The following BMPER variants were observed in gnomAD, a reference collection of about 807,000 sequenced individuals.
BMPER encodes BMP-binding endothelial regulator protein.
Under a neutral mutation model 87.3 loss-of-function variants are expected in BMPER, and 45 were observed. The observed-to-expected ratio is 0.52, with a 90% confidence interval of 0.41 to 0.66. The LOEUF is 0.66. Ranked by LOEUF, BMPER falls within the 30% of genes least tolerant of loss-of-function variation. The probability of loss-of-function intolerance (pLI) is 0.00; values close to 1 mark genes in which losing one functional copy is unlikely to be tolerated. For missense variants in BMPER, 784 were observed against 867.5 expected (o/e 0.90, Z 1.21); for synonymous variants, 326 against 316.2 (o/e 1.03, Z -0.33).
chr7:34,119,949 A>C (rs1158853982), intron 13 of BMPER, among the ~76,000 whole-genome samples: 1 of 152,222 alleles, frequency 6.6e-6, no homozygotes, highest in East Asian at 1.9e-4. Context: ...AAATAAAATT[A>C]AAGGTAAAAA....
intron 13 of BMPER, among the ~76,000 whole-genome samples, chr7:34,091,584 C>T (rs561754982): frequency 2.0e-5 from 3 of 152,280 alleles, no homozygotes; most frequent in South Asian, 2.1e-4. Flanking sequence ...TTTAATTCAC[C>T]GTGTCTACAA....
chr7:33,980,949 T>G (rs1246840024), intron 6 of BMPER, among the ~76,000 whole-genome samples: 1 of 152,096 alleles, frequency 6.6e-6, no homozygotes, highest in Non-Finnish European at 1.5e-5. Context: ...CAAGGAAGGG[T>G]ATTTGAAGAA....
intron 8 of BMPER, 38 bp from the exon 9 acceptor site, chr7:34,055,125 A>T: frequency 2.5e-6 from 4 of 1,613,966 alleles, no homozygotes; most frequent in Non-Finnish European, 3.4e-6. Context: ...TAGAGGCGAA[A>T]ATCATTTTTA....
intron 7 of BMPER, among the ~76,000 whole-genome samples, chr7:34,050,504 T>C (rs1788121956): frequency 6.6e-6 from 1 of 152,202 alleles, no homozygotes; most frequent in Non-Finnish European, 1.5e-5. Flanking sequence ...CAGCATGTTT[T>C]TCTTGACTCC....
intron 11 of BMPER, among the ~76,000 whole-genome samples, chr7:34,076,350 A>G (rs1788864976): frequency 6.6e-6 from 1 of 152,234 alleles, no homozygotes; most frequent in South Asian, 2.1e-4. Flanking sequence ...AGCATAAGAA[A>G]GAAAGTAATG....
chr7:33,989,638 T>C (rs1404358943), intron 6 of BMPER, among the ~76,000 whole-genome samples: 1 of 152,244 alleles, frequency 6.6e-6, no homozygotes, highest in East Asian at 1.9e-4. Flanking sequence ...CATTTGTCAA[T>C]TTTGCCTTTT....
Position 34,028,601 on chromosome 7 carries a change from G to GTTTTTTTTTTTTTTTT in BMPER, c.577-17688_577-17673dup. 7.8e-4 allele frequency among the ~76,000 whole-genome samples: 28 copies of GTTTTTTTTTTTTTTTT among 36,058 alleles called. 3 individuals carry two copies. Among genetic ancestry groups the GTTTTTTTTTTTTTTTT allele is most frequent in the Admixed American group, 1.7e-3 (3 of 1,748 alleles). 23.7% of individuals were successfully genotyped at this position (36,058 alleles called of 152,430 possible). ...ACATACAGTCCAAATCATTTTTTCT[G>GTTTTTTTTTTTTTTTT]TTTTTTTTTTTTTTTTTTTTTTTTT... On this transcript the variant is annotated intron_variant, in intron 6 of 14. Transcript: ENST00000649409.
At chr7:33,989,535 G>C (rs1786134922) in intron 6 of BMPER, among the ~76,000 whole-genome samples, 1 of 152,132 alleles carries the variant, frequency 6.6e-6, no homozygotes, top group Non-Finnish European at 1.5e-5. Flanking sequence ...AGATGAGTAG[G>C]TTGCGAAATT....
At chr7:33,953,662 C>T (rs1019038311) in intron 3 of BMPER, among the ~76,000 whole-genome samples, 2 of 152,114 alleles carry the variant, frequency 1.3e-5, no homozygotes, top group African/African-American at 4.8e-5. Flanking sequence ...TAAAATTTAC[C>T]ATTTTGATCA....
chr7:33,919,240 G>A (rs62449710), intron 2 of BMPER, among the ~76,000 whole-genome samples: 295 of 152,288 alleles, frequency 1.9e-3, no homozygotes, highest in Non-Finnish European at 3.1e-3. Flanking sequence ...TGACCTATAG[G>A]AGCAGCAGTT....
At chr7:34,152,022 G>A (rs1189472593) in intron 14 of BMPER, among the ~76,000 whole-genome samples, 1 of 152,140 alleles carries the variant, frequency 6.6e-6, no homozygotes, top group Non-Finnish European at 1.5e-5. Flanking sequence ...TCAACATTTT[G>A]TGGCAACTCT....
intron 6 of BMPER, among the ~76,000 whole-genome samples, chr7:33,978,784 T>A (rs1194146836): frequency 2.0e-5 from 3 of 152,224 alleles, no homozygotes; most frequent in Non-Finnish European, 2.9e-5. Context: ...GTCTTCAGCC[T>A]GCTCAGAACA....
intron 6 of BMPER, among the ~76,000 whole-genome samples, chr7:34,045,881 C>G (rs999147039): frequency 2.6e-5 from 4 of 152,110 alleles, no homozygotes; most frequent in Non-Finnish European, 4.4e-5. Flanking sequence ...CGTTCCTTTG[C>G]TTGCTTGGCA....
chr7:33,944,037 G>A (rs577322395), intron 3 of BMPER, among the ~76,000 whole-genome samples: 1 of 152,176 alleles, frequency 6.6e-6, no homozygotes, highest in Non-Finnish European at 1.5e-5. Flanking sequence ...ATTTGGTCCA[G>A]TATTGCAGAA....
At chr7:34,035,174 C>T (rs190419752) in intron 6 of BMPER, among the ~76,000 whole-genome samples, 29 of 152,324 alleles carry the variant, frequency 1.9e-4, no homozygotes, top group African/African-American at 5.5e-4. Flanking sequence ...CCTCTAGTCT[C>T]TCTGCGCAGT....
At chr7:34,114,846 G>T (rs1252013087) in intron 13 of BMPER, among the ~76,000 whole-genome samples, 1 of 152,226 alleles carries the variant, frequency 6.6e-6, no homozygotes, top group Non-Finnish European at 1.5e-5. Flanking sequence ...GGAAGACAAG[G>T]CAAGAGCAGA....
Position 33,993,073 on chromosome 7 carries a change from G to T in BMPER, c.576+18289G>T, listed in dbSNP as rs1786276650. ...ACATTTTTTCCTTCATTTCAACTTT[G>T]GTGAATCTGACAATTATGTGTCTTG... On this transcript the variant is annotated intron_variant, in intron 6 of 14. Coordinates refer to ENST00000649409, the MANE Select transcript of BMPER (RefSeq NM_001365308.1). Among the ~76,000 whole-genome samples the T allele has an allele frequency of 3.1e-5, 4 of 128,558 alleles. No individual in the cohort carries two copies. The East Asian group carries it at 9.1e-4, about 29-fold the overall frequency. 84.3% of individuals were successfully genotyped at this position (128,558 alleles called of 152,430 possible). A position where few individuals can be genotyped will look rare whatever the true frequency, so the allele number is the denominator to read the frequency against.
chr7:33,945,678 A>C (rs1784877445), intron 3 of BMPER, among the ~76,000 whole-genome samples: 1 of 152,146 alleles, frequency 6.6e-6, no homozygotes, highest in South Asian at 2.1e-4. Context: ...GGTTGATTTT[A>C]AGACCTTTAC....
intron 14 of BMPER, among the ~76,000 whole-genome samples, chr7:34,146,279 CA>C (rs1305145320): frequency 3.3e-5 from 5 of 152,046 alleles, no homozygotes; most frequent in Non-Finnish European, 7.4e-5. Context: ...TCTTCCAGAG[CA>C]AAAAGTCTGG....
Sources: allele counts gnomAD v4.1 joint callset (sites outside exome capture counted in the v4.1 genomes callset), GRCh38; gene constraint gnomAD v4.1.1; transcripts MANE v1.5; gene names NCBI Gene and HGNC (gene_info 2026-07-23, HGNC 2026-07-21).